Variants in COL5A1 observed in about 807,000 individuals in gnomAD.
The protein encoded by COL5A1 is collagen type V alpha 1 chain.
A neutral mutation model predicts 263.7 loss-of-function variants in COL5A1; 16 were observed. That is an observed-to-expected ratio of 0.06 (90% CI 0.04 to 0.09). The LOEUF is 0.09. Among genes scored for constraint, COL5A1 ranks in the 10% least tolerant of loss-of-function variants. The probability of loss-of-function intolerance (pLI) is 1.00; values close to 1 mark genes in which losing one functional copy is unlikely to be tolerated. For missense variants in COL5A1, 2,036 were observed against 2,540.5 expected, an observed-to-expected ratio of 0.80 and a Z score of 4.27; for synonymous variants, 1,012 against 1,004.5, an observed-to-expected ratio of 1.01 and a Z score of -0.14.
chr9:134,647,009 T>C lies in COL5A1; in HGVS notation c.109+4713T>C, dbSNP rs1295643321. Among the ~76,000 whole-genome samples, 1 of 152,192 alleles carries C rather than the reference T, an allele frequency of 6.6e-6. No individual in the cohort carries two copies. The highest frequency in any genetic ancestry group is 1.5e-5 in the Non-Finnish European group (1 of 68,020). ...ATTGAGGCCACACCTGTGAGAAGCT[T>C]TGCAGGCTGCCTGACCTGTACTCGG... On this transcript the variant is annotated intron_variant, in intron 1 of 65. Coordinates refer to ENST00000371817, the MANE Select transcript of COL5A1 (RefSeq NM_000093.5). This position sits in a 1 kb window ranked among gnomAD's most constrained non-coding sequence, Gnocchi z 5.0.
At chr9:134,749,344 G>C (rs1835691400) in intron 11 of COL5A1, among the ~76,000 whole-genome samples, 1 of 152,230 alleles carries the variant, frequency 6.6e-6, no homozygotes, top group African/African-American at 2.4e-5. Flanking sequence ...TGCACTTACA[G>C]AACTTGAGCA....
intron 1 of COL5A1, among the ~76,000 whole-genome samples, chr9:134,690,009 G>C (rs12555085): frequency 0.59 from 90,008 of 152,016 alleles, 29,234 homozygotes; most frequent in Non-Finnish European, 0.73. Flanking sequence ...TGGGGTCCTC[G>C]TGGTGTGGGG....
chr9:134,667,689 C>A (rs1467471657), intron 1 of COL5A1, among the ~76,000 whole-genome samples: 5 of 152,182 alleles, frequency 3.3e-5, no homozygotes, highest in African/African-American at 4.8e-5. Context: ...GCCCCACCTC[C>A]CAGGAAGCCA....
At chr9:134,707,639 G>A (rs566066225) in intron 4 of COL5A1, among the ~76,000 whole-genome samples, 1 of 152,312 alleles carries the variant, frequency 6.6e-6, no homozygotes, top group South Asian at 2.1e-4. Context: ...GGGAGAGCAA[G>A]GGCTTTGTTA....
At position 134,820,150 on chromosome 9, in the gene COL5A1, C is replaced by T. The variant is rs773728118; in HGVS notation, c.4481C>T (p.Pro1494Leu). ...HPGLIGLIGPPGEQGEKGDRG... is the reference protein window; with the variant it reads ...HPGLIGLIGPLGEQGEKGDRG... ...GGCCTGATCGGGCTCATCGGTCCTCCGGGTGAACAGGGTGAGAAGGGCGAC... is the reference window on the plus strand; with the variant it reads ...GGCCTGATCGGGCTCATCGGTCCTCTGGGTGAACAGGGTGAGAAGGGCGAC... Residue 1494 changes from proline (P) to leucine (L), a missense_variant, in exon 58 of 66, where the codon CCG becomes CTG. Physicochemically the swap from Pro to Leu is moderately conservative, Grantham distance 98. Coordinates refer to ENST00000371817, the MANE Select transcript of COL5A1 (RefSeq NM_000093.5). 28 of 1,614,034 alleles carry T rather than the reference C, an allele frequency of 1.7e-5. No homozygotes were observed. Among genetic ancestry groups the T allele is most frequent in the East Asian group, 4.5e-5 (2 of 44,882 alleles).
chr9:134,837,921 C>T (rs1839902189), intron 65 of COL5A1, among the ~76,000 whole-genome samples: 1 of 152,186 alleles, frequency 6.6e-6, no homozygotes, highest in African/African-American at 2.4e-5. Flanking sequence ...ATTCCCACTG[C>T]AGCATTCTTC....
chr9:134,686,020 CCATT>C lies in COL5A1; in HGVS notation c.110-4888_110-4885del. On this transcript the variant is annotated intron_variant, in intron 1 of 65. Transcript: ENST00000371817. The surrounding 1 kb of genome is among the most constrained non-coding windows in gnomAD (Gnocchi z 4.6). ...CCCATCCATCCATTCATCCATCCAT[CCATT>C]CATCCATCTATCCACCATTCATTTA... 6.6e-6 allele frequency among the ~76,000 whole-genome samples: 1 copy of C among 152,318 alleles called. No individual in the cohort carries two copies. Among genetic ancestry groups the C allele is most frequent in the East Asian group, 1.9e-4 (1 of 5,180 alleles).
In COL5A1 at chr9:134,757,352, C is replaced by T. The variant is rs144850152; in HGVS notation, c.1881+534C>T. Among the ~76,000 whole-genome samples the T allele has an allele frequency of 6.6e-6, 1 of 152,132 alleles. No individual in the cohort carries two copies. Among genetic ancestry groups the T allele is most frequent in the Non-Finnish European group, 1.5e-5 (1 of 68,018 alleles). ...CCCAGCACTGCTGTGAGCATTGCCCCGGTCTTGGCTCACCCCTCCTCCTCG... is the reference window on the plus strand; with the variant it reads ...CCCAGCACTGCTGTGAGCATTGCCCTGGTCTTGGCTCACCCCTCCTCCTCG... On this transcript the variant is annotated intron_variant, in intron 17 of 65. Coordinates refer to ENST00000371817, the MANE Select transcript of COL5A1 (RefSeq NM_000093.5). This position sits in a 1 kb window ranked among gnomAD's most constrained non-coding sequence, Gnocchi z 6.2.
Position 134,755,581 on chromosome 9 carries a change from C to T in COL5A1, c.1828-1184C>T, listed in dbSNP as rs1005012716. Among the ~76,000 whole-genome samples the T allele has an allele frequency of 6.6e-6, 1 of 152,248 alleles. No homozygotes were observed. The highest frequency in any genetic ancestry group is 2.4e-5 in the African/African-American group (1 of 41,472). ...GCTAGCATTTCCTGCAAGGAACGCT[C>T]GCTTGTGAATTGTAGAAGCATCTGG... On this transcript the variant is annotated intron_variant, in intron 16 of 65. Coordinates refer to ENST00000371817, the MANE Select transcript of COL5A1 (RefSeq NM_000093.5). The surrounding 1 kb of genome is among the most constrained non-coding windows in gnomAD (Gnocchi z 4.1).
intron 11 of COL5A1, among the ~76,000 whole-genome samples, chr9:134,746,175 G>T (rs958807538): frequency 6.6e-6 from 1 of 152,206 alleles, no homozygotes; most frequent in African/African-American, 2.4e-5. Context: ...TGTCCAGCAG[G>T]AAGTGACCAC....
chr9:134,830,534 G>A (rs968706371), intron 64 of COL5A1, among the ~76,000 whole-genome samples: 2 of 152,188 alleles, frequency 1.3e-5, no homozygotes, highest in African/African-American at 4.8e-5. Flanking sequence ...CACTGTGTCT[G>A]ATGGCAGGGC....
rs539980496 is a variant in COL5A1, at chr9:134,813,840, G to A, written c.3853-143G>A. ...ACCTCCAATTCTGGGAGTGTGTGGG[G>A]ACAGCACTCCCCAGAAACCCCTGGG... On this transcript the variant is annotated intron_variant, in intron 48 of 65. Transcript: ENST00000371817. The A allele has an allele frequency of 1.5e-4, 119 of 795,012 alleles. 3 individuals are homozygous for A. The East Asian group carries it at 2.0e-3, about 14-fold the overall frequency. 49.2% of individuals were successfully genotyped at this position (795,012 alleles called of 1,614,324 possible).
chr9:134,744,861 T>C (rs1463169584), intron 11 of COL5A1, among the ~76,000 whole-genome samples: 1 of 138,256 alleles, frequency 7.2e-6, no homozygotes, highest in African/African-American at 2.7e-5. Flanking sequence ...GCACACACAT[T>C]TACACACATG....
At chr9:134,763,599 C>T (rs1427067587) in intron 19 of COL5A1, 94 bp from the exon 20 acceptor site, 4 of 1,317,236 alleles carry the variant, frequency 3.0e-6, no homozygotes, top group Middle Eastern at 1.8e-4. Flanking sequence ...GTGAAGCAGC[C>T]CCAAGCCAGA....
chr9:134,829,994 C>T lies in COL5A1; in HGVS notation c.5086C>T (p.Pro1696Ser). 6.2e-7 allele frequency: 1 copy of T among 1,613,816 alleles called. No individual in the cohort carries two copies. Among genetic ancestry groups the T allele is most frequent in the Non-Finnish European group, 8.5e-7 (1 of 1,179,928 alleles). The change falls in exon 64 of 66, where the codon CCC (proline) becomes TCC (serine). Residue 1696 changes from proline to serine, a missense_variant. By Grantham distance (74) the Pro-to-Ser change is moderately conservative (BLOSUM62 -1). This residue lies in a region of COL5A1 where 358 missense variants were observed against 384.6 expected (regional missense o/e 0.93). Transcript: ENST00000371817. Reference protein sequence around the residue: ...KSEGARITSWPKENPGSWFSE... With the variant: ...KSEGARITSWSKENPGSWFSE... Reference sequence around the variant, plus strand: ...TGTTTAGGCCAGAATCACTTCTTGGCCCAAAGAAAACCCGGGCTCCTGGTT... The same window carrying T: ...TGTTTAGGCCAGAATCACTTCTTGGTCCAAAGAAAACCCGGGCTCCTGGTT...
intron 4 of COL5A1, among the ~76,000 whole-genome samples, chr9:134,705,959 C>T (rs1833822789): frequency 6.6e-6 from 1 of 152,220 alleles, no homozygotes; most frequent in African/African-American, 2.4e-5. Flanking sequence ...TCCGGGGCGC[C>T]TCCTGCCCGT....
At chr9:134,662,627 G>T (rs922848901) in intron 1 of COL5A1, among the ~76,000 whole-genome samples, 1 of 152,196 alleles carries the variant, frequency 6.6e-6, no homozygotes, top group South Asian at 2.1e-4. Flanking sequence ...CAGCCCAGAT[G>T]GAAGGGCCTC....
rs1207207141 is a variant in COL5A1 at position 134,715,091 on chromosome 9, CT to C, written c.655-12174del. On this transcript the variant is annotated intron_variant, in intron 4 of 65. Transcript: ENST00000371817. The stretch of plus-strand genomic sequence containing the variant: ...GGAGGACCCCTGCCAGCACCAGTCT[CT>C]GAGTTCCCTCAGTATTTATTGATCA... Among the ~76,000 whole-genome samples, 129 of 152,164 alleles carry C rather than the reference CT, an allele frequency of 8.5e-4. 2 individuals carry two copies. Among genetic ancestry groups the C allele is most frequent in the East Asian group, 1.9e-4 (1 of 5,182 alleles).
intron 42 of COL5A1, among the ~76,000 whole-genome samples, chr9:134,808,684 A>G (rs567231478): frequency 2.0e-5 from 3 of 152,314 alleles, no homozygotes; most frequent in African/African-American, 4.8e-5. Flanking sequence ...GTGTGCATGT[A>G]TGCACATGTG....
Sources: gnomAD v4.1 joint callset for allele counts (sites outside exome capture counted in the v4.1 genomes callset) on GRCh38, gnomAD v4.1.1 for gene constraint, gnomAD v4.1.1 regional missense constraint, Gnocchi (gnomAD v3.1) non-coding constraint, MANE v1.5 for transcripts, NCBI Gene and HGNC (gene_info 2026-07-23, HGNC 2026-07-21) for gene names.